AMHR2: variants seen among roughly 807,000 people sequenced by gnomAD.
The protein encoded by AMHR2 is anti-Muellerian hormone type-2 receptor.
AMHR2 carries 36 observed loss-of-function variants against 61.4 expected under a neutral mutation model. The observed-to-expected ratio is 0.59, with a 90% CI of 0.45 to 0.77. The LOEUF (loss-of-function observed/expected upper bound fraction) is 0.77, where lower values mean the gene tolerates loss of function less well. Ranked by LOEUF, AMHR2 falls within the 30% of genes least tolerant of loss-of-function variation. The probability of loss-of-function intolerance (pLI) is 0.00; values close to 1 mark genes in which losing one functional copy is unlikely to be tolerated. For synonymous variants in AMHR2, 258 were observed against 279.4 expected (o/e 0.92, Z 0.76); for missense variants, 638 against 714.6 (o/e 0.89, Z 1.22).
chr12:53,430,020 C>T (rs376901844), intron 9 of AMHR2, 42 bp downstream of exon 9: 421 of 1,614,034 alleles, frequency 2.6e-4, no homozygotes, highest in Non-Finnish European at 3.3e-4. Flanking sequence ...GGCTCCCCCC[C>T]GCCCATTCTA....
At position 53,429,999 on chromosome 12, in the gene AMHR2, C is replaced by T. The variant is rs745648321; in HGVS notation, c.1288+21C>T. 13 of 1,614,032 alleles carry T rather than the reference C, an allele frequency of 8.1e-6. No homozygotes were observed. The Admixed American group carries it at 2.0e-4, about 25-fold the overall frequency. ...GCCTGGTAAGGATGGGTGGTACAGT[C>T]CCCTCTCCTGGGCTCCCCCCCGCCC... On this transcript the variant is annotated intron_variant, in intron 9 of 10. Transcript: ENST00000257863.
chr12:53,428,377 C>T (rs1183142410), intron 6 of AMHR2, among the ~76,000 whole-genome samples: 1 of 152,180 alleles, frequency 6.6e-6, no homozygotes, highest in African/African-American at 2.4e-5. Context: ...TGTACACATG[C>T]CTGACACCTC....
chr12:53,423,939 T>C lies in AMHR2; in HGVS notation c.5T>C (p.Leu2Pro), dbSNP rs1939284113. The part of the protein sequence containing the change: M[L>P]GSLGLWALLP... ...CTGCTGCCATCCTCCAGCAAGATGC[T>C]AGGGTCTTTGGGGCTTTGGGCATTA... The change falls in exon 1 of 11, where the codon CTA becomes CCA. Residue 2 changes from leucine to proline, a missense_variant. Coordinates refer to ENST00000257863, the MANE Select transcript of AMHR2 (RefSeq NM_020547.3). The C allele has an allele frequency of 6.2e-7, 1 of 1,614,028 alleles. No homozygotes were observed. The highest frequency in any genetic ancestry group is 1.3e-5 in the African/African-American group (1 of 74,922).
chr12:53,429,046 C>T, intron 7 of AMHR2, 36 bp downstream of exon 7: 1 of 1,495,108 alleles, frequency 6.7e-7, no homozygotes, highest in Non-Finnish European at 9.1e-7. Context: ...AAGGGAGCCA[C>T]AGTGCTATGT....
Position 53,429,545 on chromosome 12 carries a change from C to G in AMHR2, c.1060C>G (p.Leu354Val). The G allele has an allele frequency of 6.2e-7, 1 of 1,614,032 alleles. No homozygotes were observed. The highest frequency in any genetic ancestry group is 8.5e-7 in the Non-Finnish European group (1 of 1,180,002). ...ATCGTGTGCCATTGGAGACCTGGGC[C>G]TTGCCTTGGTGCTCCCTGGCCTCAC... ...DGSCAIGDLG[L>V]ALVLPGLTQP... The change falls in exon 8 of 11, where the codon CTT becomes GTT. Residue 354 changes from leucine (L) to valine (V), a missense_variant. Physicochemically the swap from Leu to Val is conservative, Grantham distance 32. Coordinates refer to ENST00000257863, the MANE Select transcript of AMHR2 (RefSeq NM_020547.3).
At chr12:53,426,169 A>G (rs2136951446) in intron 6 of AMHR2, among the ~76,000 whole-genome samples, 1 of 152,098 alleles carries the variant, frequency 6.6e-6, no homozygotes, top group African/African-American at 2.4e-5. Flanking sequence ...CATCACTGCA[A>G]AATTACAAAA....
At position 53,424,992 on chromosome 12, in the gene AMHR2, C is replaced by T. The variant is rs1246002405; in HGVS notation, c.424+92C>T. On this transcript the variant is annotated intron_variant, in intron 3 of 10. Coordinates refer to ENST00000257863, the MANE Select transcript of AMHR2 (RefSeq NM_020547.3). Reference sequence around the variant, plus strand: ...AGGGCCAGTTCTCACCCTACTCCCGCCCCACGCTTTCCTCCTCCTGGCCTT... The same window carrying T: ...AGGGCCAGTTCTCACCCTACTCCCGTCCCACGCTTTCCTCCTCCTGGCCTT... 1.2e-5 allele frequency: 19 copies of T among 1,551,288 alleles called. No homozygotes were observed. The Admixed American group carries it at 2.7e-4, about 22-fold the overall frequency.
rs764453814 is a variant in AMHR2, at chr12:53,424,283, C to G, written c.50-5C>G. The G allele has an allele frequency of 1.9e-6, 3 of 1,612,396 alleles. No homozygotes were observed. The African/African-American group carries it at 4.0e-5, about 21-fold the overall frequency. The stretch of plus-strand genomic sequence containing the variant: ...ATCTTTTCCTTTCCCCACCCTGGGC[C>G]TCAGCACCCCCAAACAGGCGAACCT... On this transcript the variant is annotated splice_polypyrimidine_tract_variant and splice_region_variant and intron_variant, in intron 1 of 10. Coordinates refer to ENST00000257863, the MANE Select transcript of AMHR2 (RefSeq NM_020547.3).
chr12:53,425,335 G>T (rs747645183), intron 4 of AMHR2, 93 bp downstream of exon 4: 2 of 1,606,650 alleles, frequency 1.2e-6, no homozygotes, highest in African/African-American at 2.7e-5. Context: ...CATGGTCTTG[G>T]GATCTCTATA....
At position 53,425,725 on chromosome 12, in the gene AMHR2, G is replaced by C. The variant is rs142124054; in HGVS notation, c.658G>C (p.Gly220Arg). The C allele has an allele frequency of 1.4e-5, 22 of 1,614,010 alleles. No individual in the cohort carries two copies. Among genetic ancestry groups the C allele is most frequent in the Non-Finnish European group, 1.8e-5 (21 of 1,180,038 alleles). Reference protein sequence around the residue: ...REGGHAVVWAGQLQGKLVAIK... With the variant: ...REGGHAVVWARQLQGKLVAIK... Reference sequence around the variant, plus strand: ...AGGAGGTCATGCAGTGGTTTGGGCCGGGCAGCTGCAAGGAAAACTGGTTGC... The same window carrying C: ...AGGAGGTCATGCAGTGGTTTGGGCCCGGCAGCTGCAAGGAAAACTGGTTGC... Residue 220 changes from glycine (G) to arginine (R), a missense_variant, in exon 6 of 11, where the codon GGG becomes CGG. By Grantham distance (125) the Gly-to-Arg change is moderately radical. Coordinates refer to ENST00000257863, the MANE Select transcript of AMHR2 (RefSeq NM_020547.3).
rs766488520 is a variant in AMHR2, at chr12:53,429,631, T to C, written c.1140+6T>C. 2.2e-5 allele frequency: 36 copies of C among 1,613,616 alleles called. No individual in the cohort carries two copies. The highest frequency in any genetic ancestry group is 3.0e-5 in the Non-Finnish European group (35 of 1,179,894). On this transcript the variant is annotated splice_donor_region_variant and intron_variant, in intron 8 of 10. Coordinates refer to ENST00000257863, the MANE Select transcript of AMHR2 (RefSeq NM_020547.3). The stretch of plus-strand genomic sequence containing the variant: ...GCCCAGCTGCCATCATGGAAGTGAG[T>C]TCTCTGGATAACTGGTGAGGCCCAG...
intron 6 of AMHR2, among the ~76,000 whole-genome samples, chr12:53,426,245 G>A (rs773931362): frequency 6.6e-6 from 1 of 152,232 alleles, no homozygotes; most frequent in African/African-American, 2.4e-5. Flanking sequence ...TGGAAAGATC[G>A]CTTGAGCTTA....
At position 53,425,879 on chromosome 12, in the gene AMHR2, T is replaced by A; in HGVS notation, c.812T>A (p.Leu271Gln). Residue 271 changes from leucine to glutamine, a missense_variant, in exon 6 of 11, where the codon CTG (leucine) becomes CAG (glutamine). By Grantham distance (113) the Leu-to-Gln change is moderately radical. Coordinates refer to ENST00000257863, the MANE Select transcript of AMHR2 (RefSeq NM_020547.3). ...ITASRGGPGRLLSGPLLVLEL... is the reference protein window; with the variant it reads ...ITASRGGPGRQLSGPLLVLEL... Reference sequence around the variant, plus strand: ...GCCAGCCGGGGGGGTCCTGGCCGCCTGCTCTCTGGGCCCCTGCTGGTACTG... The same window carrying A: ...GCCAGCCGGGGGGGTCCTGGCCGCCAGCTCTCTGGGCCCCTGCTGGTACTG... 6.2e-7 allele frequency: 1 copy of A among 1,614,066 alleles called. No individual in the cohort carries two copies. Among genetic ancestry groups the A allele is most frequent in the Non-Finnish European group, 8.5e-7 (1 of 1,180,006 alleles).
At position 53,430,127 on chromosome 12, in the gene AMHR2, C is replaced by T. The variant is rs1263260534; in HGVS notation, c.1289-19C>T. ...ACCCCTAGGACTAACTGATACCCAG[C>T]CCCTCTACCTTCCTCCAGACAGCAG... On this transcript the variant is annotated intron_variant, in intron 9 of 10. Transcript: ENST00000257863. The T allele has an allele frequency of 6.2e-7, 1 of 1,614,188 alleles. No individual in the cohort carries two copies. Among genetic ancestry groups the T allele is most frequent in the African/African-American group, 1.3e-5 (1 of 75,054 alleles).
intron 8 of AMHR2, 81 bp downstream of exon 8, chr12:53,429,706 T>G: frequency 6.3e-7 from 1 of 1,599,738 alleles, no homozygotes; most frequent in African/African-American, 1.3e-5. Context: ...TGTCAACAGT[T>G]GTAGCAATAC....
chr12:53,429,340 C>T (rs543006054), intron 7 of AMHR2, 113 bp from the exon 8 acceptor site: 13 of 1,192,310 alleles, frequency 1.1e-5, no homozygotes, highest in African/African-American at 1.1e-4. Flanking sequence ...TGCAGTGAGC[C>T]GAGATCGCGA....
At chr12:53,426,057 G>A (rs1939553266) in intron 6 of AMHR2, 138 bp downstream of exon 6, 9 of 982,086 alleles carry the variant, frequency 9.2e-6, no homozygotes, top group East Asian at 2.6e-5. Context: ...ATGGCCAGGC[G>A]AGGTGGCCCA....
chr12:53,424,715 G>A lies in AMHR2; in HGVS notation c.239G>A (p.Arg80Gln), dbSNP rs761735257. ...DRAQVEMQGC[R>Q]DSDEPGCESL... ...CCTAATCCCATCCCATCAGGATGCC[G>A]AGACAGTGATGAGCCAGGCTGTGAG... Residue 80 changes from arginine to glutamine, a missense_variant, in exon 3 of 11, where the codon CGA becomes CAA. Coordinates refer to ENST00000257863, the MANE Select transcript of AMHR2 (RefSeq NM_020547.3). 1.1e-5 allele frequency: 18 copies of A among 1,613,346 alleles called. No individual in the cohort carries two copies. Among genetic ancestry groups the A allele is most frequent in the East Asian group, 4.5e-5 (2 of 44,872 alleles).
Position 53,425,837 on chromosome 12 carries a change from T to C in AMHR2, c.770T>C (p.Ile257Thr). ...CTTCCAGGCCTACAGCACGACCACA[T>C]TGTCCGATTTATCACTGCCAGCCGG... ...YELPGLQHDHIVRFITASRGG... is the reference protein window; with the variant it reads ...YELPGLQHDHTVRFITASRGG... The change falls in exon 6 of 11, where the codon ATT becomes ACT. Residue 257 changes from isoleucine to threonine, a missense_variant. Transcript: ENST00000257863. The C allele has an allele frequency of 6.2e-7, 1 of 1,614,080 alleles. No homozygotes were observed. Among genetic ancestry groups the C allele is most frequent in the African/African-American group, 1.3e-5 (1 of 75,002 alleles).
Sources: gnomAD v4.1 joint callset for allele counts (sites outside exome capture counted in the v4.1 genomes callset) on GRCh38, gnomAD v4.1.1 for gene constraint, MANE v1.5 for transcripts, NCBI Gene and HGNC (gene_info 2026-07-23, HGNC 2026-07-21) for gene names.